The following ANKHD1 variants were observed in gnomAD, a reference collection of about 807,000 sequenced individuals.
ANKHD1 encodes ankyrin repeat and KH domain-containing protein 1.
Under a neutral mutation model 230.5 loss-of-function variants are expected in ANKHD1, and 31 were observed. That is an observed-to-expected ratio of 0.13 (90% CI 0.10 to 0.18). The LOEUF is 0.18. Among genes scored for constraint, ANKHD1 ranks in the 10% least tolerant of loss-of-function variants. The pLI, the probability that ANKHD1 is intolerant of heterozygous loss-of-function variation, is 1.00. For missense variants in ANKHD1, 2,256 were observed against 3,071.3 expected (o/e 0.73, Z 6.27); for synonymous variants, 1,074 against 1,117.6 (o/e 0.96, Z 0.78).
rs1182089597 is a variant in ANKHD1 at position 140,528,479 on chromosome 5, G to C, written c.5533G>C (p.Val1845Leu). 1.2e-6 allele frequency: 2 copies of C among 1,613,986 alleles called. No individual in the cohort carries two copies. Among genetic ancestry groups the C allele is most frequent in the Non-Finnish European group, 1.7e-6 (2 of 1,180,040 alleles). ...VPTNVRSSFPVSLPLAYPHPH... is the reference protein window; with the variant it reads ...VPTNVRSSFPLSLPLAYPHPH... ...AACAAATGTACGTTCTTCTTTCCCA[G>C]TTTCTCTACCCTTAGCTTATCCTCA... The change falls in exon 29 of 34, where the codon GTT (valine) becomes CTT (leucine). Residue 1845 changes from valine to leucine, a missense_variant. By Grantham distance (32) the Val-to-Leu change is conservative. This residue lies in a region of ANKHD1 where 778 missense variants were observed against 966.5 expected (regional missense o/e 0.80). Transcript: ENST00000360839.
At chr5:140,535,140 T>C (rs1306732592) in intron 29 of ANKHD1, among the ~76,000 whole-genome samples, 1 of 152,206 alleles carries the variant, frequency 6.6e-6, no homozygotes, top group East Asian at 1.9e-4. Context: ...TCTAGTGCTG[T>C]TTGGCGATAT....
At chr5:140,477,704 C>T (rs765849287) in intron 10 of ANKHD1, among the ~76,000 whole-genome samples, 1 of 152,156 alleles carries the variant, frequency 6.6e-6, no homozygotes, top group Non-Finnish European at 1.5e-5. Flanking sequence ...CTCCACCCAC[C>T]GGGTTCAAGA....
intron 10 of ANKHD1, among the ~76,000 whole-genome samples, chr5:140,474,362 T>C (rs1310388869): frequency 1.3e-5 from 2 of 152,162 alleles, no homozygotes; most frequent in East Asian, 1.9e-4. Flanking sequence ...GATTTTGGTC[T>C]TTCTCCTTAG....
intron 16 of ANKHD1, 46 bp from the exon 17 acceptor site, chr5:140,505,076 T>C (rs1752484972): frequency 1.2e-6 from 2 of 1,602,160 alleles, no homozygotes; most frequent in Admixed American, 1.8e-5. Context: ...CTTAAATTGA[T>C]AACTTCTGTT....
chr5:140,433,014 A>G (rs1256607710), intron 1 of ANKHD1, among the ~76,000 whole-genome samples: 1 of 147,320 alleles, frequency 6.8e-6, no homozygotes, highest in Non-Finnish European at 1.5e-5. Flanking sequence ...CGTACCTTAC[A>G]TTTTTTGAGT....
In ANKHD1 at chr5:140,509,768, A is replaced by G. The variant is rs1752681791; in HGVS notation, c.3897A>G (p.Ala1299=). 6.2e-7 allele frequency: 1 copy of G among 1,612,830 alleles called. No homozygotes were observed. The highest frequency in any genetic ancestry group is 8.5e-7 in the Non-Finnish European group (1 of 1,179,752). ...PSSRDTALTI[A]ADKGHYKFCE... is the part of the protein sequence containing the mutation. ...CAAGAGATACTGCTTTAACAATAGC[A>G]GCAGACAAAGGTCACTACAAATTTT... The change falls in exon 21 of 34, where the codon GCA becomes GCG. Residue 1299 remains alanine (A), a synonymous_variant. Coordinates refer to ENST00000360839, the MANE Select transcript of ANKHD1 (RefSeq NM_017747.3).
chr5:140,529,848 C>T, intron 29 of ANKHD1, 52 bp downstream of exon 29: 2 of 1,587,458 alleles, frequency 1.3e-6, no homozygotes, highest in Non-Finnish European at 1.7e-6. Context: ...ATGGCCTAAT[C>T]TCACCTTAAG....
chr5:140,470,323 G>A (rs1776397820), intron 10 of ANKHD1, among the ~76,000 whole-genome samples: 1 of 150,746 alleles, frequency 6.6e-6, no homozygotes. Context: ...TTAATAAGTT[G>A]TCATAGTATT....
At chr5:140,442,937 G>T (rs569240342) in intron 5 of ANKHD1, among the ~76,000 whole-genome samples, 1 of 149,222 alleles carries the variant, frequency 6.7e-6, no homozygotes, top group Non-Finnish European at 1.5e-5. Context: ...ATGGAGTCTC[G>T]CACTGTTGCC....
intron 10 of ANKHD1, among the ~76,000 whole-genome samples, chr5:140,466,222 T>C (rs1776074263): frequency 6.6e-6 from 1 of 151,970 alleles, no homozygotes; most frequent in Non-Finnish European, 1.5e-5. Context: ...TGAAACCCTG[T>C]CTCTACCAAA....
chr5:140,491,121 T>G (rs368541074), intron 14 of ANKHD1, among the ~76,000 whole-genome samples: 2 of 64,134 alleles, frequency 3.1e-5, no homozygotes, highest in East Asian at 1.3e-3. Context: ...CACACACACA[T>G]ATATATATAT....
intron 1 of ANKHD1, among the ~76,000 whole-genome samples, chr5:140,430,543 A>G (rs1351101093): frequency 6.6e-6 from 1 of 152,126 alleles, no homozygotes; most frequent in Non-Finnish European, 1.5e-5. Context: ...TGTTATATAT[A>G]GACATGGTTT....
chr5:140,464,962 C>A, intron 10 of ANKHD1, 186 bp downstream of exon 10: 1 of 424,216 alleles, frequency 2.4e-6, no homozygotes, highest in Non-Finnish European at 3.8e-6. Context: ...TTGAACAGGG[C>A]ATACTGTTTC....
intron 5 of ANKHD1, among the ~76,000 whole-genome samples, chr5:140,443,606 G>A (rs1774038909): frequency 6.6e-6 from 1 of 151,880 alleles, no homozygotes; most frequent in African/African-American, 2.4e-5. Context: ...CAGGAGAATG[G>A]CATGAACCCA....
rs535746896 is a variant in ANKHD1 at position 140,482,492 on chromosome 5, C to T, written c.1783-88C>T. ...ACAATGAGTAAGTATATTAAATCCT[C>T]GTTATTTCTCATTTCATCAGTACTG... On this transcript the variant is annotated intron_variant, in intron 10 of 33. Coordinates refer to ENST00000360839, the MANE Select transcript of ANKHD1 (RefSeq NM_017747.3). The T allele has an allele frequency of 6.8e-5, 97 of 1,429,908 alleles. 1 individual carries two copies. The highest frequency in any genetic ancestry group is 5.9e-4 in the Middle Eastern group (3 of 5,098). 88.6% of individuals were successfully genotyped at this position (1,429,908 alleles called of 1,614,324 possible). A position where few individuals can be genotyped will look rare whatever the true frequency, so the allele number is the denominator to read the frequency against.
intron 20 of ANKHD1, 30 bp downstream of exon 20, chr5:140,508,028 A>G (rs1752609303): frequency 6.3e-7 from 1 of 1,594,368 alleles, no homozygotes; most frequent in African/African-American, 1.3e-5. Context: ...CAACTATTTC[A>G]GATACATTTC....
chr5:140,509,988 G>T, intron 21 of ANKHD1, 31 bp from the exon 22 acceptor site: 1 of 1,574,068 alleles, frequency 6.4e-7, no homozygotes, highest in South Asian at 1.2e-5. Flanking sequence ...CTTCTTACAG[G>T]AAACAAACTA....
chr5:140,458,124 C>A (rs1775356025), intron 7 of ANKHD1, among the ~76,000 whole-genome samples: 1 of 152,122 alleles, frequency 6.6e-6, no homozygotes, highest in African/African-American at 2.4e-5. Context: ...GTGACATAAT[C>A]CCAAGTGGTA....
intron 10 of ANKHD1, among the ~76,000 whole-genome samples, chr5:140,466,010 C>G (rs770823863): frequency 2.6e-5 from 4 of 152,166 alleles, no homozygotes; most frequent in African/African-American, 9.7e-5. Context: ...ATTTAATACT[C>G]TTATCCTCTA....
Sources: allele counts gnomAD v4.1 joint callset (sites outside exome capture counted in the v4.1 genomes callset), GRCh38; gene constraint gnomAD v4.1.1; regional missense constraint gnomAD v4.1.1; transcripts MANE v1.5; gene names NCBI Gene and HGNC (gene_info 2026-07-23, HGNC 2026-07-21).